Variants in SLC25A42 observed in about 807,000 individuals in gnomAD.
SLC25A42 encodes mitochondrial coenzyme A transporter SLC25A42.
Under a neutral mutation model 34.7 loss-of-function variants are expected in SLC25A42, and 19 were observed. The ratio of observed to expected loss-of-function variants is 0.55; its 90% CI spans 0.38 to 0.80. The LOEUF (loss-of-function observed/expected upper bound fraction) is 0.80. SLC25A42 is among the 30% of genes least tolerant of loss of function. The pLI is 0.00. For synonymous variants in SLC25A42, 205 were observed against 191.2 expected (o/e 1.07, Z -0.59); for missense variants, 364 against 441.3 (o/e 0.82, Z 1.57).
intron 6 of SLC25A42, chr19:19,106,970 C>G (rs1219683120): frequency 7.4e-6 from 1 of 135,564 alleles, no homozygotes; most frequent in Non-Finnish European, 1.5e-5. Flanking sequence ...AAGTCTGAGA[C>G]TAGAATGCTT....
At chr19:19,067,861 TG>T (rs2145894704) in intron 1 of SLC25A42, among the ~76,000 whole-genome samples, 1 of 152,266 alleles carries the variant, frequency 6.6e-6, no homozygotes, top group South Asian at 2.1e-4. Context: ...TGGTGCCAGA[TG>T]GAGGGTGTCG....
chr19:19,086,661 G>A (rs1353539986), intron 1 of SLC25A42, among the ~76,000 whole-genome samples: 1 of 151,968 alleles, frequency 6.6e-6, no homozygotes, highest in Non-Finnish European at 1.5e-5. Context: ...TTCGTTTTGA[G>A]ACATAGTCTT....
At position 19,104,365 on chromosome 19, in the gene SLC25A42, G is replaced by A. The variant is rs180840479; in HGVS notation, c.188-548G>A. Among the ~76,000 whole-genome samples the A allele has an allele frequency of 4.6e-5, 7 of 152,320 alleles. 1 individual carries two copies. The highest frequency in any genetic ancestry group is 3.3e-4 in the Admixed American group (5 of 15,294). ...TGAGGGAGGCGGGCTGCCAGACCAC[G>A]TCAGAGGCTCCTGGTGACCGTTTGT... On this transcript the variant is annotated intron_variant, in intron 3 of 7. Coordinates refer to ENST00000318596, the MANE Select transcript of SLC25A42 (RefSeq NM_178526.5).
rs1023745551 is a variant in SLC25A42 at position 19,081,590 on chromosome 19, G to A, written c.-34-14501G>A. Reference sequence around the variant, plus strand: ...AAAGAGGAGAATGCCACTGAGGGTGGGGGTCATGGGAACTGGGGCTTCCTC... The same window carrying A: ...AAAGAGGAGAATGCCACTGAGGGTGAGGGTCATGGGAACTGGGGCTTCCTC... On this transcript the variant is annotated intron_variant, in intron 1 of 7. Coordinates refer to ENST00000318596, the MANE Select transcript of SLC25A42 (RefSeq NM_178526.5). The surrounding 1 kb of genome is among the most constrained non-coding windows in gnomAD (Gnocchi z 4.5). Among the ~76,000 whole-genome samples, 2 of 152,082 alleles carry A rather than the reference G, an allele frequency of 1.3e-5. No individual in the cohort carries two copies. Among genetic ancestry groups the A allele is most frequent in the African/African-American group, 4.8e-5 (2 of 41,400 alleles).
In SLC25A42 at chr19:19,096,185, T is replaced by C; in HGVS notation, c.61T>C (p.Ser21Pro). 6.2e-7 allele frequency: 1 copy of C among 1,612,508 alleles called. No homozygotes were observed. Among genetic ancestry groups the C allele is most frequent in the Non-Finnish European group, 8.5e-7 (1 of 1,179,826 alleles). The change falls in exon 2 of 8, where the codon TCC (serine) becomes CCC (proline). Residue 21 changes from serine to proline, a missense_variant. Coordinates refer to ENST00000318596, the MANE Select transcript of SLC25A42 (RefSeq NM_178526.5). ...GCATGAGGATGCTGAGGCTGTCCTGTCCTCGTCCGTCTCATCAAAGGCAAG... is the reference window on the plus strand; with the variant it reads ...GCATGAGGATGCTGAGGCTGTCCTGCCCTCGTCCGTCTCATCAAAGGCAAG... ...RLHEDAEAVL[S>P]SSVSSKRDHR... is the part of the protein sequence containing the mutation.
chr19:19,091,827 T>A (rs1407277144), intron 1 of SLC25A42, among the ~76,000 whole-genome samples: 3 of 151,180 alleles, frequency 2.0e-5, no homozygotes, highest in Non-Finnish European at 3.0e-5. Context: ...TAGTGAGCTA[T>A]GATTATGCCA....
chr19:19,092,599 G>A (rs2059743755), intron 1 of SLC25A42, among the ~76,000 whole-genome samples: 1 of 152,190 alleles, frequency 6.6e-6, no homozygotes, highest in Non-Finnish European at 1.5e-5. Flanking sequence ...TCACAGGACT[G>A]TGACCTCCTG....
chr19:19,088,807 T>C (rs914303482), intron 1 of SLC25A42, among the ~76,000 whole-genome samples: 2 of 140,504 alleles, frequency 1.4e-5, no homozygotes, highest in African/African-American at 5.4e-5. Context: ...CTTTTTTTTT[T>C]CGTTTTCTTT....
At chr19:19,096,996 T>A (rs529401682) in intron 2 of SLC25A42, among the ~76,000 whole-genome samples, 1 of 152,254 alleles carries the variant, frequency 6.6e-6, no homozygotes, top group South Asian at 2.1e-4. Flanking sequence ...GCTTGGTCTT[T>A]ACTCTGCATT....
At chr19:19,095,871 G>C (rs1353839059) in intron 1 of SLC25A42, 2 of 583,958 alleles carry the variant, frequency 3.4e-6, no homozygotes, top group Non-Finnish European at 6.4e-6. Context: ...CACCAGATTT[G>C]GAAAAAGAAC....
intron 1 of SLC25A42, among the ~76,000 whole-genome samples, chr19:19,084,297 G>A (rs182277746): frequency 3.0e-4 from 45 of 152,324 alleles, no homozygotes; most frequent in African/African-American, 1.0e-3. Flanking sequence ...CAGATGCTCT[G>A]ACATAGGTAT....
intron 1 of SLC25A42, among the ~76,000 whole-genome samples, chr19:19,078,546 G>C (rs2059666070): frequency 6.6e-6 from 1 of 152,176 alleles, no homozygotes; most frequent in Non-Finnish European, 1.5e-5. Flanking sequence ...GCCCGTGAAG[G>C]TGTGCCTCCG....
chr19:19,105,084 G>A, intron 4 of SLC25A42, 146 bp downstream of exon 4: 1 of 996,332 alleles, frequency 1.0e-6, no homozygotes, highest in East Asian at 2.6e-5. Flanking sequence ...CCTGGACACA[G>A]CCCAGCCTGG....
At chr19:19,082,885 T>C (rs1364563675) in intron 1 of SLC25A42, among the ~76,000 whole-genome samples, 1 of 151,934 alleles carries the variant, frequency 6.6e-6, no homozygotes, top group Non-Finnish European at 1.5e-5. Context: ...TGGGGCGATC[T>C]CAGCTCACTG....
intron 3 of SLC25A42, 107 bp downstream of exon 3, chr19:19,101,993 T>C: frequency 1.4e-6 from 1 of 718,408 alleles, no homozygotes; most frequent in South Asian, 2.0e-5. Context: ...TAGATTTATT[T>C]TAGAAATAAG....
chr19:19,087,092 T>G (rs768537829), intron 1 of SLC25A42, among the ~76,000 whole-genome samples: 23 of 152,172 alleles, frequency 1.5e-4, no homozygotes, highest in Non-Finnish European at 2.8e-4. Context: ...TGTAACTCTG[T>G]TCCATTTGAC....
At chr19:19,073,330 T>C (rs1426292770) in intron 1 of SLC25A42, among the ~76,000 whole-genome samples, 1 of 151,810 alleles carries the variant, frequency 6.6e-6, no homozygotes, top group African/African-American at 2.4e-5. Context: ...AAGTGGAGAG[T>C]GGCCCCTCAA....
chr19:19,104,269 A>C (rs1385587189), intron 3 of SLC25A42, among the ~76,000 whole-genome samples: 1 of 152,020 alleles, frequency 6.6e-6, no homozygotes, highest in African/African-American at 2.4e-5. Flanking sequence ...TTCTGCAGGG[A>C]ACTGGGGTTC....
chr19:19,097,149 G>A (rs115646707), intron 2 of SLC25A42, among the ~76,000 whole-genome samples: 2,928 of 152,164 alleles, frequency 0.019, 87 homozygotes, highest in African/African-American at 0.067. Flanking sequence ...AACACAGACC[G>A]ACCCAGCCCC....
Sources: gnomAD v4.1 joint callset for allele counts (sites outside exome capture counted in the v4.1 genomes callset) on GRCh38, gnomAD v4.1.1 for gene constraint, Gnocchi (gnomAD v3.1) non-coding constraint, MANE v1.5 for transcripts, NCBI Gene and HGNC (gene_info 2026-07-23, HGNC 2026-07-21) for gene names.